Variants in PDE9A observed in about 807,000 individuals in gnomAD.
PDE9A encodes the protein high affinity cGMP-specific 3',5'-cyclic phosphodiesterase 9A.
A neutral mutation model predicts 87.4 loss-of-function variants in PDE9A; 60 were observed. The ratio of observed to expected loss-of-function variants is 0.69; its 90% CI spans 0.56 to 0.85. The LOEUF (loss-of-function observed/expected upper bound fraction) is 0.85. Among genes scored for constraint, PDE9A ranks in the 40% least tolerant of loss-of-function variants. The pLI is 0.00. For missense variants in PDE9A, 665 were observed against 779.0 expected (o/e 0.85, Z 1.74); for synonymous variants, 272 against 279.4 (o/e 0.97, Z 0.27).
chr21:42,745,290 A>G (rs75438278), intron 8 of PDE9A, among the ~76,000 whole-genome samples: 2 of 152,244 alleles, frequency 1.3e-5, no homozygotes, highest in Non-Finnish European at 2.9e-5. Flanking sequence ...GCCACGTGAG[A>G]GCCTGTCCTA....
At chr21:42,772,642 T>G (rs892723178) in intron 19 of PDE9A, 122 bp downstream of exon 19, 1 of 688,810 alleles carries the variant, frequency 1.5e-6, no homozygotes, top group South Asian at 1.8e-5. Context: ...TGGAACTTTT[T>G]TTTTTTTTGA....
At chr21:42,666,461 C>T (rs751438054) in intron 1 of PDE9A, among the ~76,000 whole-genome samples, 4 of 152,194 alleles carry the variant, frequency 2.6e-5, no homozygotes, top group Admixed American at 6.5e-5. Context: ...GCCGAGGCCC[C>T]ACCCGCAGCT....
Position 42,684,392 on chromosome 21 carries a change from C to T in PDE9A, c.70-1800C>T, listed in dbSNP as rs558501134. 1.4e-3 allele frequency among the ~76,000 whole-genome samples: 211 copies of T among 152,322 alleles called. 1 individual carries two copies. The highest frequency in any genetic ancestry group is 4.7e-3 in the African/African-American group (194 of 41,562). On this transcript the variant is annotated intron_variant, in intron 1 of 19. Coordinates refer to ENST00000291539, the MANE Select transcript of PDE9A (RefSeq NM_002606.3). ...TCCTGTCTTGGTGGGAAAATGGCCA[C>T]GACCCCAGCCCAGGCTCTGCCACGC...
At position 42,730,462 on chromosome 21, in the gene PDE9A, G is replaced by A. The variant is rs537224768; in HGVS notation, c.263-1308G>A. On this transcript the variant is annotated intron_variant, in intron 4 of 19. Transcript: ENST00000291539. ...AATTTTTTAAATGAAATTAATATACGTTAATTATAGAAAATGCATAAGAAA... is the reference window on the plus strand; with the variant it reads ...AATTTTTTAAATGAAATTAATATACATTAATTATAGAAAATGCATAAGAAA... Among the ~76,000 whole-genome samples, 11 of 152,054 alleles carry A rather than the reference G, an allele frequency of 7.2e-5. No homozygotes were observed. In the South Asian group the frequency reaches 1.9e-3, roughly 26 times the overall value.
chr21:42,684,982 T>TA (rs10710961), intron 1 of PDE9A, among the ~76,000 whole-genome samples: 108 of 146,708 alleles, frequency 7.4e-4, no homozygotes, highest in South Asian at 4.5e-3. Context: ...AATCTTAGCT[T>TA]AAAAAAAAAA....
chr21:42,709,133 C>G (rs1268797756), intron 4 of PDE9A, among the ~76,000 whole-genome samples: 2 of 152,150 alleles, frequency 1.3e-5, no homozygotes. Context: ...TAAAAAGGAA[C>G]AAGATCATGT....
At chr21:42,766,575 T>A (rs1319524242) in intron 15 of PDE9A, among the ~76,000 whole-genome samples, 1 of 152,206 alleles carries the variant, frequency 6.6e-6, no homozygotes, top group East Asian at 1.9e-4. Context: ...CTCATCGCTC[T>A]CTGGAGCTGA....
At chr21:42,761,171 G>A (rs1359419179) in intron 13 of PDE9A, among the ~76,000 whole-genome samples, 4 of 152,230 alleles carry the variant, frequency 2.6e-5, no homozygotes, top group African/African-American at 9.6e-5. Context: ...AGGCTCAGGT[G>A]CACGGCAGAT....
At chr21:42,736,353 G>T (rs912201945) in intron 7 of PDE9A, among the ~76,000 whole-genome samples, 5 of 152,180 alleles carry the variant, frequency 3.3e-5, no homozygotes, top group Non-Finnish European at 7.3e-5. Context: ...AGTGGCAGGT[G>T]AGTCGAAGAC....
intron 1 of PDE9A, among the ~76,000 whole-genome samples, chr21:42,685,695 T>G (rs1284668011): frequency 6.6e-6 from 1 of 151,894 alleles, no homozygotes; most frequent in African/African-American, 2.4e-5. Flanking sequence ...CTGGAACTCC[T>G]GATCTCAGGT....
Position 42,739,016 on chromosome 21 carries a change from G to A in PDE9A, c.569-4760G>A, listed in dbSNP as rs996393454. 1.3e-5 allele frequency among the ~76,000 whole-genome samples: 2 copies of A among 152,244 alleles called. No individual in the cohort carries two copies. The highest frequency in any genetic ancestry group is 6.5e-5 in the Admixed American group (1 of 15,288). On this transcript the variant is annotated intron_variant, in intron 7 of 19. Transcript: ENST00000291539. The surrounding 1 kb of genome is among the most constrained non-coding windows in gnomAD (Gnocchi z 4.1). ...TACAGTCCTTTTAAGAGGACAGCCC[G>A]GGGTTTCCAGATAATACTAGCCCCA... is the stretch of plus-strand genomic sequence containing the variant.
intron 3 of PDE9A, among the ~76,000 whole-genome samples, chr21:42,690,345 A>T (rs8128442): frequency 2.7e-5 from 4 of 150,512 alleles, no homozygotes; most frequent in Non-Finnish European, 6.0e-5. Flanking sequence ...AACCGGGTAC[A>T]GGTGATGCGG....
intron 15 of PDE9A, among the ~76,000 whole-genome samples, chr21:42,767,726 A>T (rs533606225): frequency 1.3e-5 from 2 of 152,276 alleles, no homozygotes; most frequent in East Asian, 3.9e-4. Context: ...GGGCCACGGG[A>T]CGCCAGCCCT....
In PDE9A at chr21:42,759,627, GAGT is replaced by G. The variant is rs1221225029; in HGVS notation, c.897+545_897+547del. ...TGTGTGGTGGGAGTGTGTGGGGTGG[GAGT>G]AGGAGTGTGGAGGTGTGTCTGTGTG... On this transcript the variant is annotated intron_variant, in intron 11 of 19. Transcript: ENST00000291539. This position sits in a 1 kb window ranked among gnomAD's most constrained non-coding sequence, Gnocchi z 7.2. 6.6e-6 allele frequency among the ~76,000 whole-genome samples: 1 copy of G among 151,158 alleles called. No individual in the cohort carries two copies. Among genetic ancestry groups the G allele is most frequent in the African/African-American group, 2.4e-5 (1 of 41,076 alleles).
chr21:42,775,199 C>T (rs2057398918), intron 19 of PDE9A, 81 bp from the exon 20 acceptor site: 1 of 1,430,598 alleles, frequency 7.0e-7, no homozygotes, highest in East Asian at 2.3e-5. Context: ...CTTGGTCTCT[C>T]AAAGTGCTGG....
rs1326767994 is a variant in PDE9A, at chr21:42,696,532, C to G, written c.219-2436C>G. The stretch of plus-strand genomic sequence containing the variant: ...CTGCCCACGCAGGTCCTGGCTTTCT[C>G]TCCACCCACTGCACCATTTCCAGGG... On this transcript the variant is annotated intron_variant, in intron 3 of 19. Coordinates refer to ENST00000291539, the MANE Select transcript of PDE9A (RefSeq NM_002606.3). This position sits in a 1 kb window ranked among gnomAD's most constrained non-coding sequence, Gnocchi z 5.1. Among the ~76,000 whole-genome samples the G allele has an allele frequency of 1.3e-5, 2 of 152,036 alleles. No homozygotes were observed. Among genetic ancestry groups the G allele is most frequent in the African/African-American group, 4.8e-5 (2 of 41,386 alleles).
At chr21:42,670,478 A>G (rs1162273212) in intron 1 of PDE9A, among the ~76,000 whole-genome samples, 1 of 151,706 alleles carries the variant, frequency 6.6e-6, no homozygotes, top group Non-Finnish European at 1.5e-5. Context: ...ATAGACTTAC[A>G]CACATACACT....
intron 15 of PDE9A, chr21:42,765,768 T>C (rs1472259443): frequency 3.4e-5 from 15 of 441,204 alleles, no homozygotes. Flanking sequence ...AGGCCGTGCA[T>C]CTCGCTCTGC....
chr21:42,708,669 C>T (rs1182801676), intron 4 of PDE9A, among the ~76,000 whole-genome samples: 3 of 152,222 alleles, frequency 2.0e-5, no homozygotes, highest in Non-Finnish European at 4.4e-5. Context: ...ATTATCCTGC[C>T]TCAGCCTCCC....
Sources: gnomAD v4.1 joint callset for allele counts (sites outside exome capture counted in the v4.1 genomes callset) on GRCh38, gnomAD v4.1.1 for gene constraint, Gnocchi (gnomAD v3.1) non-coding constraint, MANE v1.5 for transcripts, NCBI Gene and HGNC (gene_info 2026-07-23, HGNC 2026-07-21) for gene names.